The following PREX1 variants were observed in gnomAD, a reference collection of about 807,000 sequenced individuals.
PREX1 encodes phosphatidylinositol 3,4,5-trisphosphate-dependent Rac exchanger 1 protein.
Under a neutral mutation model 198.3 loss-of-function variants are expected in PREX1, and 41 were observed. The ratio of observed to expected loss-of-function variants is 0.21; its 90% CI spans 0.16 to 0.27. The LOEUF (loss-of-function observed/expected upper bound fraction) is 0.27. Ranked by LOEUF, PREX1 falls within the 10% of genes least tolerant of loss-of-function variation. The probability of loss-of-function intolerance (pLI) is 1.00; values close to 1 mark genes in which losing one functional copy is unlikely to be tolerated. For missense variants in PREX1, 1,620 were observed against 2,200.7 expected (o/e 0.74, Z 5.28); for synonymous variants, 843 against 887.2 (o/e 0.95, Z 0.89).
intron 16 of PREX1, among the ~76,000 whole-genome samples, chr20:48,658,881 A>G (rs55889922): frequency 0.17 from 26,579 of 151,892 alleles, 2,449 homozygotes; most frequent in Middle Eastern, 0.3. Flanking sequence ...CAGGCAGCAG[A>G]CACAGCACGT....
chr20:48,833,899 C>T, the PREX1 span, among the ~76,000 whole-genome samples: 1 of 152,088 alleles, frequency 6.6e-6, no homozygotes, highest in Non-Finnish European at 1.5e-5. Flanking sequence ...CTGGCTAACA[C>T]GGTGAAACCC....
At chr20:48,698,627 C>G (rs532839623) in intron 7 of PREX1, among the ~76,000 whole-genome samples, 1 of 152,296 alleles carries the variant, frequency 6.6e-6, no homozygotes, top group African/African-American at 2.4e-5. Flanking sequence ...AAGAGCCATG[C>G]TGAGCCAGCC....
intron 1 of PREX1, among the ~76,000 whole-genome samples, chr20:48,750,646 C>T (rs529793480): frequency 6.6e-6 from 1 of 152,302 alleles, no homozygotes; most frequent in South Asian, 2.1e-4. Flanking sequence ...ATCCATCCGG[C>T]CTTAGTTCAA....
At chr20:48,635,313 C>T (rs999116286) in intron 32 of PREX1, among the ~76,000 whole-genome samples, 6 of 152,160 alleles carry the variant, frequency 3.9e-5, no homozygotes, top group Admixed American at 1.3e-4. Context: ...AAGGGTCCAC[C>T]ATCTCTTGTC....
the PREX1 span, among the ~76,000 whole-genome samples, chr20:48,877,938 A>C: frequency 6.6e-6 from 1 of 152,240 alleles, no homozygotes; most frequent in African/African-American, 2.4e-5. Context: ...GCGAAGCTCC[A>C]TCTCTACTAA....
At chr20:48,652,445 A>C in intron 21 of PREX1, 141 bp downstream of exon 21, 2 of 1,198,302 alleles carry the variant, frequency 1.7e-6, no homozygotes, top group Non-Finnish European at 2.3e-6. Flanking sequence ...GTCTCCAAAA[A>C]GGAAAAAAAA....
chr20:48,681,224 C>T lies in PREX1; in HGVS notation c.1435+11G>A. On this transcript the variant is annotated intron_variant, in intron 11 of 39. Coordinates refer to ENST00000371941, the MANE Select transcript of PREX1 (RefSeq NM_020820.4). The stretch of plus-strand genomic sequence containing the variant: ...ACCCCTTGGCCCAGCTGGGCCCAGC[C>T]CTCCACTCACCATGGTGGATGATGC... The T allele has an allele frequency of 6.2e-7, 1 of 1,612,864 alleles. No individual in the cohort carries two copies. The highest frequency in any genetic ancestry group is 1.1e-5 in the South Asian group (1 of 91,066).
intron 1 of PREX1, among the ~76,000 whole-genome samples, chr20:48,757,749 G>GC (rs1284114954): frequency 1.3e-5 from 2 of 152,184 alleles, no homozygotes; most frequent in Non-Finnish European, 2.9e-5. Context: ...ATTCCGTGTA[G>GC]CCCCTGGACC....
At chr20:48,839,736 C>A in the PREX1 span, among the ~76,000 whole-genome samples, 2 of 152,196 alleles carry the variant, frequency 1.3e-5, no homozygotes, top group African/African-American at 2.4e-5. Context: ...AGATGTGCAT[C>A]ATCACCTCTA....
At chr20:48,818,399 G>A (rs763438058) in intron 1 of PREX1, among the ~76,000 whole-genome samples, 1 of 152,198 alleles carries the variant, frequency 6.6e-6, no homozygotes, top group Non-Finnish European at 1.5e-5. Context: ...GAGCCAAGAG[G>A]GGCAGGTCTT....
intron 1 of PREX1, among the ~76,000 whole-genome samples, chr20:48,791,942 C>T (rs1025021937): frequency 4.6e-5 from 7 of 152,360 alleles, no homozygotes; most frequent in Admixed American, 2.6e-4. Flanking sequence ...CGCACGGGGA[C>T]TGCTGCCTGG....
At chr20:48,646,233 A>G (rs1232400543) in intron 25 of PREX1, among the ~76,000 whole-genome samples, 176 bp from the exon 26 acceptor site, 1 of 152,210 alleles carries the variant, frequency 6.6e-6, no homozygotes, top group East Asian at 1.9e-4. Flanking sequence ...TGAGGCAGGA[A>G]GCCTTTCCTG....
intron 1 of PREX1, among the ~76,000 whole-genome samples, chr20:48,786,367 A>G (rs1189091032): frequency 6.6e-6 from 1 of 152,190 alleles, no homozygotes; most frequent in Non-Finnish European, 1.5e-5. Context: ...CCTGGGCCCA[A>G]GACATGACCA....
intron 1 of PREX1, among the ~76,000 whole-genome samples, chr20:48,819,270 T>G (rs1984016238): frequency 6.6e-6 from 1 of 151,970 alleles, no homozygotes; most frequent in Admixed American, 6.5e-5. Context: ...TCCCTTACTC[T>G]CCCCTCCAGC....
chr20:48,658,218 TG>T lies in PREX1; in HGVS notation c.1891del (p.Gln631ArgfsTer18), dbSNP rs2089560525. 2 of 1,614,080 alleles carry T rather than the reference TG, an allele frequency of 1.2e-6. No homozygotes were observed. Among genetic ancestry groups the T allele is most frequent in the Non-Finnish European group, 1.7e-6 (2 of 1,179,972 alleles). On this transcript the variant is annotated frameshift_variant, in exon 17 of 40. Coordinates refer to ENST00000371941, the MANE Select transcript of PREX1 (RefSeq NM_020820.4). LOFTEE classifies it high-confidence loss of function. Reference protein sequence around the residue: ...ILAKRLLILPQEEDYGFDIEE... With the variant: ...ILAKRLLILPXEEDYGFDIEE... ...GATGTCAAAGCCATAGTCCTCCTCCTGGGGCAGGATCTGGGGGCCCAGGGCA... is the reference window on the plus strand; with the variant it reads ...GATGTCAAAGCCATAGTCCTCCTCCTGGGCAGGATCTGGGGGCCCAGGGCA...
chr20:48,857,561 A>C, the PREX1 span, among the ~76,000 whole-genome samples: 1 of 152,062 alleles, frequency 6.6e-6, no homozygotes, highest in Admixed American at 6.6e-5. Flanking sequence ...TGAGCTCAGG[A>C]GTTTGAGACC....
At chr20:48,794,012 C>G (rs910788464) in intron 1 of PREX1, among the ~76,000 whole-genome samples, 2 of 152,162 alleles carry the variant, frequency 1.3e-5, no homozygotes, top group African/African-American at 4.8e-5. Flanking sequence ...CAGAATATGA[C>G]CTCACCGGGC....
intron 6 of PREX1, 140 bp downstream of exon 6, chr20:48,708,116 ATAAT>A (rs1477378072): frequency 3.3e-6 from 3 of 912,846 alleles, no homozygotes; most frequent in Admixed American, 5.7e-5. Context: ...TAATTGAAAA[ATAAT>A]TAAGCAATCT....
At chr20:48,744,953 G>A (rs1337837062) in intron 3 of PREX1, 72 bp downstream of exon 3, 1 of 1,561,606 alleles carries the variant, frequency 6.4e-7, no homozygotes, top group Non-Finnish European at 8.7e-7. Context: ...GAAGGCGGAT[G>A]GGGCAGGGAC....
Sources: gnomAD v4.1 joint callset for allele counts (sites outside exome capture counted in the v4.1 genomes callset) on GRCh38, gnomAD v4.1.1 for gene constraint, MANE v1.5 for transcripts, NCBI Gene and HGNC (gene_info 2026-07-23, HGNC 2026-07-21) for gene names.